TCF4: variants seen among roughly 807,000 people sequenced by gnomAD.
TCF4 encodes the protein transcription factor 4.
Under a neutral mutation model 82.1 loss-of-function variants are expected in TCF4, and 3 were observed. The observed-to-expected ratio is 0.04, with a 90% CI of 0.02 to 0.09. The LOEUF (loss-of-function observed/expected upper bound fraction) is 0.09, where lower values mean the gene tolerates loss of function less well. TCF4 is among the 10% of genes least tolerant of loss of function. TCF4 has a pLI of 1.00. For missense variants in TCF4, 518 were observed against 852.7 expected, an observed-to-expected ratio of 0.61 and a Z score of 4.89; for synonymous variants, 276 against 309.6, an observed-to-expected ratio of 0.89 and a Z score of 1.14.
intron 8 of TCF4, among the ~76,000 whole-genome samples, chr18:55,341,164 T>G (rs2144396884): frequency 6.6e-6 from 1 of 152,302 alleles, no homozygotes; most frequent in African/African-American, 2.4e-5. Flanking sequence ...ACAGAGTGTC[T>G]GAAACGCTAG....
intron 9 of TCF4, among the ~76,000 whole-genome samples, chr18:55,279,059 T>G (rs888794888): frequency 1.3e-5 from 2 of 152,218 alleles, no homozygotes; most frequent in Non-Finnish European, 2.9e-5. Flanking sequence ...GCTTTCACCA[T>G]GTAATATTCC....
chr18:55,468,238 G>A (rs1215627762), intron 3 of TCF4, among the ~76,000 whole-genome samples: 1 of 152,228 alleles, frequency 6.6e-6, no homozygotes, highest in Non-Finnish European at 1.5e-5. Context: ...CCAGAGGTAT[G>A]ATGAGTTTAT....
chr18:55,244,331 G>A (rs927636176), intron 15 of TCF4, among the ~76,000 whole-genome samples: 4 of 152,150 alleles, frequency 2.6e-5, no homozygotes, highest in African/African-American at 9.7e-5. Flanking sequence ...ATTTGAAATA[G>A]TAGTTCTTTT....
intron 8 of TCF4, chr18:55,332,198 T>A (rs1175531211): frequency 1.3e-5 from 2 of 152,198 alleles, no homozygotes; most frequent in Non-Finnish European, 2.9e-5. Context: ...TATTATTTCC[T>A]GATGACGTAG....
At chr18:55,523,201 C>G (rs2096947762) in intron 3 of TCF4, among the ~76,000 whole-genome samples, 1 of 151,816 alleles carries the variant, frequency 6.6e-6, no homozygotes, top group Non-Finnish European at 1.5e-5. Flanking sequence ...TGGAATGCAG[C>G]CAAATTTTTA....
chr18:55,545,099 G>T (rs940035438), intron 3 of TCF4, among the ~76,000 whole-genome samples: 11 of 152,166 alleles, frequency 7.2e-5, no homozygotes, highest in African/African-American at 2.7e-4. Context: ...AAAAACTCTA[G>T]GACTTTGGAA....
intron 3 of TCF4, among the ~76,000 whole-genome samples, chr18:55,569,503 C>G (rs1784351006): frequency 6.6e-6 from 1 of 151,816 alleles, no homozygotes; most frequent in Non-Finnish European, 1.5e-5. Context: ...TAAGATCACG[C>G]CACTGCACTC....
At chr18:55,350,576 T>C (rs1267416039) in intron 7 of TCF4, among the ~76,000 whole-genome samples, 168 bp from the exon 8 acceptor site, 1 of 152,198 alleles carries the variant, frequency 6.6e-6, no homozygotes, top group Non-Finnish European at 1.5e-5. Context: ...AATTCTGCTT[T>C]GTTCATAAAA....
At chr18:55,596,542 A>C (rs1369359659) in intron 2 of TCF4, among the ~76,000 whole-genome samples, 1 of 152,228 alleles carries the variant, frequency 6.6e-6, no homozygotes, top group Non-Finnish European at 1.5e-5. Context: ...TCATATGTCG[A>C]CTAAAGTGTT....
chr18:55,571,953 C>T (rs2097476047), intron 3 of TCF4, among the ~76,000 whole-genome samples: 1 of 150,962 alleles, frequency 6.6e-6, no homozygotes. Context: ...AATTATAGTT[C>T]ATTTCGTTTT....
chr18:55,548,351 T>C (rs2097224604), intron 3 of TCF4, among the ~76,000 whole-genome samples: 1 of 152,226 alleles, frequency 6.6e-6, no homozygotes, highest in Non-Finnish European at 1.5e-5. Context: ...ACACAGATCT[T>C]GCCAAGAATG....
intron 13 of TCF4, among the ~76,000 whole-genome samples, chr18:55,257,882 C>G (rs989895116): frequency 6.6e-6 from 1 of 152,098 alleles, no homozygotes; most frequent in Admixed American, 6.5e-5. Context: ...CAGTGATCCA[C>G]TAAGCCAGAA....
At chr18:55,413,614 G>C (rs1033022307) in intron 5 of TCF4, among the ~76,000 whole-genome samples, 2 of 152,088 alleles carry the variant, frequency 1.3e-5, no homozygotes, top group African/African-American at 4.8e-5. Flanking sequence ...CAGTGTTTAA[G>C]AGAAGCCTCT....
chr18:55,564,615 C>T (rs2097385487), intron 3 of TCF4, among the ~76,000 whole-genome samples: 1 of 152,062 alleles, frequency 6.6e-6, no homozygotes, highest in Admixed American at 6.5e-5. Context: ...TTCCTATATG[C>T]AGAAGCCTAG....
chr18:55,635,902 T>G (rs758638416), exon 1 of TCF4: 33 of 1,571,006 alleles, frequency 2.1e-5, no homozygotes, highest in African/African-American at 1.9e-4. Flanking sequence ...AAACATGGTG[T>G]TGTTCCTTTG....
At chr18:55,567,426 G>A (rs2097419438) in intron 3 of TCF4, among the ~76,000 whole-genome samples, 1 of 152,126 alleles carries the variant, frequency 6.6e-6, no homozygotes, top group Non-Finnish European at 1.5e-5. Flanking sequence ...AAATATGTCA[G>A]GCAGATTTCG....
chr18:55,399,941 A>G (rs2093724918), intron 6 of TCF4, among the ~76,000 whole-genome samples: 2 of 147,744 alleles, frequency 1.4e-5, no homozygotes, highest in Admixed American at 6.8e-5. Flanking sequence ...TAAAAATGAA[A>G]CCATGGCTTT....
chr18:55,234,962 G>C (rs186359074), intron 15 of TCF4, among the ~76,000 whole-genome samples: 95 of 152,208 alleles, frequency 6.2e-4, no homozygotes, highest in African/African-American at 2.1e-3. Context: ...GCAGTGGAGC[G>C]CACTGATTCG....
chr18:55,283,518 C>T (rs1169549630), intron 8 of TCF4, among the ~76,000 whole-genome samples: 1 of 152,130 alleles, frequency 6.6e-6, no homozygotes, highest in East Asian at 1.9e-4. Flanking sequence ...GGCAAGAGTT[C>T]CACATACATT....
Sources: gnomAD v4.1 joint callset for allele counts (sites outside exome capture counted in the v4.1 genomes callset) on GRCh38, gnomAD v4.1.1 for gene constraint, MANE v1.5 for transcripts, NCBI Gene and HGNC (gene_info 2026-07-23, HGNC 2026-07-21) for gene names.